Variants in CNTN5 observed in about 807,000 individuals in gnomAD.
The protein encoded by CNTN5 is contactin 5, also known as contactin-5.
A neutral mutation model predicts 129.1 loss-of-function variants in CNTN5; 77 were observed. That is an observed-to-expected ratio of 0.60 (90% confidence interval 0.50 to 0.72). The LOEUF is 0.72. CNTN5 is among the 30% of genes least tolerant of loss of function. The probability of loss-of-function intolerance (pLI) is 0.00; values close to 1 mark genes in which losing one functional copy is unlikely to be tolerated. For missense variants in CNTN5, 1,478 were observed against 1,328.8 expected, an observed-to-expected ratio of 1.11 and a Z score of -1.75; for synonymous variants, 509 against 465.6, an observed-to-expected ratio of 1.09 and a Z score of -1.20.
intron 3 of CNTN5, among the ~76,000 whole-genome samples, chr11:99,691,409 A>G (rs1044211741): frequency 2.0e-5 from 3 of 151,994 alleles, no homozygotes; most frequent in African/African-American, 7.2e-5. Flanking sequence ...CCCTCTTAAC[A>G]CTGTGGTAGC....
chr11:100,108,982 C>T (rs1480214891), intron 13 of CNTN5, among the ~76,000 whole-genome samples: 2 of 152,058 alleles, frequency 1.3e-5, no homozygotes, highest in East Asian at 3.9e-4. Flanking sequence ...AAAACTTCTT[C>T]CCACTTTATA....
At chr11:99,337,146 A>C (rs541497310) in intron 2 of CNTN5, among the ~76,000 whole-genome samples, 32 of 152,298 alleles carry the variant, frequency 2.1e-4, no homozygotes, top group African/African-American at 7.7e-4. Context: ...GGTGTATGTG[A>C]AATGAAGATA....
intron 9 of CNTN5, among the ~76,000 whole-genome samples, chr11:100,022,227 AT>A (rs1258005538): frequency 2.0e-5 from 3 of 152,228 alleles, no homozygotes; most frequent in Admixed American, 2.0e-4. Flanking sequence ...TTAACCTGCT[AT>A]TACTTTTAAA....
chr11:99,367,730 A>G (rs1257408712), intron 2 of CNTN5, among the ~76,000 whole-genome samples: 2 of 152,234 alleles, frequency 1.3e-5, no homozygotes, highest in Non-Finnish European at 2.9e-5. Context: ...AGAAAGAGGG[A>G]GGTAGGATGG....
chr11:100,343,359 A>G (rs1952207982), intron 23 of CNTN5, among the ~76,000 whole-genome samples: 1 of 152,166 alleles, frequency 6.6e-6, no homozygotes, highest in Non-Finnish European at 1.5e-5. Context: ...CTGATAACAA[A>G]TGGAGTGAGA....
At chr11:99,520,093 C>A (rs760955302) in intron 2 of CNTN5, among the ~76,000 whole-genome samples, 6 of 152,000 alleles carry the variant, frequency 3.9e-5, no homozygotes, top group Non-Finnish European at 7.4e-5. Flanking sequence ...GCTTTTATAG[C>A]ACATGAGAAT....
At chr11:99,753,119 C>CTGTTTTTTTT (rs528319697) in intron 3 of CNTN5, among the ~76,000 whole-genome samples, 1 of 93,110 alleles carries the variant, frequency 1.1e-5, no homozygotes, top group South Asian at 4.5e-4. Flanking sequence ...GCCATATTTG[C>CTGTTTTTTTT]TTTTTTTTTT....
intron 16 of CNTN5, among the ~76,000 whole-genome samples, chr11:100,248,855 A>G (rs1949902819): frequency 6.6e-6 from 1 of 152,162 alleles, no homozygotes; most frequent in Admixed American, 6.5e-5. Flanking sequence ...CTACAAGGAG[A>G]ATGAGCAATA....
chr11:99,852,254 G>A (rs1241666284), intron 6 of CNTN5, among the ~76,000 whole-genome samples: 1 of 152,128 alleles, frequency 6.6e-6, no homozygotes, highest in Non-Finnish European at 1.5e-5. Context: ...GTAACTGTGA[G>A]TGTGTAATCC....
At chr11:100,247,653 C>G (rs958828371) in intron 16 of CNTN5, among the ~76,000 whole-genome samples, 1 of 152,176 alleles carries the variant, frequency 6.6e-6, no homozygotes, top group East Asian at 1.9e-4. Flanking sequence ...AATATTCTAT[C>G]AATAATACCA....
chr11:100,332,805 T>C (rs73565656), intron 21 of CNTN5, among the ~76,000 whole-genome samples: 1,894 of 152,220 alleles, frequency 0.012, 47 homozygotes, highest in African/African-American at 0.043. Context: ...TTTAAGGTAA[T>C]AAAACCTGTC....
At chr11:100,167,750 C>A (rs1476881879) in intron 13 of CNTN5, among the ~76,000 whole-genome samples, 3 of 151,808 alleles carry the variant, frequency 2.0e-5, no homozygotes, top group Admixed American at 2.0e-4. Flanking sequence ...TGTCAGCTAG[C>A]CAAAAGATAG....
At chr11:99,999,898 G>A (rs1430816026) in intron 8 of CNTN5, among the ~76,000 whole-genome samples, 3 of 151,796 alleles carry the variant, frequency 2.0e-5, no homozygotes, top group East Asian at 2.0e-4. Flanking sequence ...TCAGTAAACT[G>A]TCGCAAGGCC....
At chr11:99,390,191 T>C (rs1504715) in intron 2 of CNTN5, among the ~76,000 whole-genome samples, 151,865 of 152,024 alleles carry the variant, frequency 1, 75,854 homozygotes, top group Non-Finnish European at 1. Flanking sequence ...AATCATAGCT[T>C]ACTGTAACCT....
intron 7 of CNTN5, among the ~76,000 whole-genome samples, chr11:99,945,487 TGC>T (rs955960224): frequency 3.0e-5 from 2 of 67,698 alleles, no homozygotes; most frequent in East Asian, 5.3e-4. Context: ...AAAACCTCTG[TGC>T]GTGTGTGTGT....
intron 3 of CNTN5, among the ~76,000 whole-genome samples, chr11:99,601,136 A>T (rs968484283): frequency 1.9e-4 from 29 of 152,216 alleles, no homozygotes; most frequent in Non-Finnish European, 4.4e-5. Flanking sequence ...TGTTAAATAA[A>T]TTTCTGATTT....
rs774792781 is a variant in CNTN5 at position 99,974,319 on chromosome 11, A to ACT, written c.877+17310_877+17311insCT. 1.5e-3 allele frequency among the ~76,000 whole-genome samples: 235 copies of ACT among 152,348 alleles called. 1 individual carries two copies. Among genetic ancestry groups the ACT allele is most frequent in the Non-Finnish European group, 2.6e-3 (178 of 68,024 alleles). ...TTTATTGCTCAGTTAACATCAGTTA[A>ACT]GGGACAGGCACAAGGTCATAGTTGG... is the stretch of plus-strand genomic sequence containing the variant. On this transcript the variant is annotated intron_variant, in intron 8 of 24. Coordinates refer to ENST00000524871, the MANE Select transcript of CNTN5 (RefSeq NM_014361.4).
At chr11:99,608,024 G>T (rs1168231337) in intron 3 of CNTN5, among the ~76,000 whole-genome samples, 1 of 141,588 alleles carries the variant, frequency 7.1e-6, no homozygotes, top group African/African-American at 2.7e-5. Context: ...TGGGTGCAGC[G>T]CACCAGCATG....
At chr11:99,786,624 T>C (rs1283803782) in intron 3 of CNTN5, among the ~76,000 whole-genome samples, 3 of 152,048 alleles carry the variant, frequency 2.0e-5, no homozygotes, top group South Asian at 2.1e-4. Context: ...GCTGCATTAA[T>C]GGAAACAGCA....
Sources: allele counts gnomAD v4.1 joint callset (sites outside exome capture counted in the v4.1 genomes callset), GRCh38; gene constraint gnomAD v4.1.1; transcripts MANE v1.5; gene names NCBI Gene and HGNC (gene_info 2026-07-23, HGNC 2026-07-21).